The following ENAH variants were observed in gnomAD, a reference collection of about 807,000 sequenced individuals.
The protein encoded by ENAH is ENAH actin regulator.
Under a neutral mutation model 78.7 loss-of-function variants are expected in ENAH, and 23 were observed. That is an observed-to-expected ratio of 0.29 (90% confidence interval 0.21 to 0.41). ENAH has a LOEUF of 0.41. Ranked by LOEUF, ENAH falls within the 10% of genes least tolerant of loss-of-function variation. The pLI, the probability that ENAH is intolerant of heterozygous loss-of-function variation, is 1.00. For synonymous variants in ENAH, 226 were observed against 241.0 expected, an observed-to-expected ratio of 0.94 and a Z score of 0.58; for missense variants, 544 against 691.0, an observed-to-expected ratio of 0.79 and a Z score of 2.39.
chr1:225,617,574 AAGTGGAC>A (rs1656021308), intron 1 of ENAH, among the ~76,000 whole-genome samples: 1 of 139,612 alleles, frequency 7.2e-6, no homozygotes, highest in African/African-American at 2.5e-5. Flanking sequence ...GTACAGTGCT[AAGTGGAC>A]AGTGTGGTGA....
At chr1:225,500,875 A>T in intron 12 of ENAH, 117 bp downstream of exon 12, 1 of 942,336 alleles carries the variant, frequency 1.1e-6, no homozygotes. Context: ...AATTTGTATA[A>T]CAATAGCTCT....
chr1:225,611,035 C>T (rs2096985544), intron 1 of ENAH, among the ~76,000 whole-genome samples: 1 of 152,152 alleles, frequency 6.6e-6, no homozygotes, highest in African/African-American at 2.4e-5. Context: ...GCAGGCAAAA[C>T]TAATTGACGC....
At chr1:225,561,619 T>TTTAAAA (rs2096706245) in intron 2 of ENAH, among the ~76,000 whole-genome samples, 1 of 125,810 alleles carries the variant, frequency 7.9e-6, no homozygotes, top group African/African-American at 3.0e-5. Context: ...AGATTCCGTC[T>TTTAAAA]TAAAATAAAA....
At chr1:225,560,861 C>T (rs935543566) in intron 2 of ENAH, among the ~76,000 whole-genome samples, 1 of 152,188 alleles carries the variant, frequency 6.6e-6, no homozygotes, top group African/African-American at 2.4e-5. Context: ...TTGTTCATAA[C>T]AGAATGCTAG....
intron 1 of ENAH, among the ~76,000 whole-genome samples, chr1:225,641,692 G>A (rs886299351): frequency 6.6e-6 from 1 of 151,640 alleles, no homozygotes; most frequent in African/African-American, 2.4e-5. Flanking sequence ...TTCGAGACCA[G>A]CCTGGCCAAC....
At chr1:225,606,958 A>AATG (rs1474943703) in intron 1 of ENAH, among the ~76,000 whole-genome samples, 1 of 152,132 alleles carries the variant, frequency 6.6e-6, no homozygotes, top group Non-Finnish European at 1.5e-5. Flanking sequence ...GGTCCTGAAT[A>AATG]ATGCAGCTGA....
At chr1:225,543,060 T>A (rs1221372341) in intron 3 of ENAH, among the ~76,000 whole-genome samples, 1 of 151,704 alleles carries the variant, frequency 6.6e-6, no homozygotes, top group South Asian at 2.1e-4. Context: ...CTAAGATTGA[T>A]AGGAAGCCAT....
chr1:225,638,809 C>A (rs139891050), intron 1 of ENAH, among the ~76,000 whole-genome samples: 1 of 152,050 alleles, frequency 6.6e-6, no homozygotes, highest in Non-Finnish European at 1.5e-5. Context: ...GAATCTATAA[C>A]GACATATATG....
rs2151013626 is a variant in ENAH at position 225,496,001 on chromosome 1, C to T, written c.*1774G>A. 1 of 152,600 alleles carries T rather than the reference C, an allele frequency of 6.6e-6. No individual in the cohort carries two copies. 9.5% of individuals were successfully genotyped at this position (152,600 alleles called of 1,614,324 possible). On this transcript the variant is annotated 3_prime_UTR_variant, in exon 14 of 14. Coordinates refer to ENST00000366843, the MANE Select transcript of ENAH (RefSeq NM_018212.6). Reference sequence around the variant, plus strand: ...AATTTGCAGCGTTTAGAAAACTACACTATCAACAAGCTTTGCTTTATGGAC... The same window carrying T: ...AATTTGCAGCGTTTAGAAAACTACATTATCAACAAGCTTTGCTTTATGGAC...
chr1:225,535,453 G>A (rs944077171), intron 3 of ENAH: 10 of 1,152,618 alleles, frequency 8.7e-6, no homozygotes, highest in African/African-American at 1.6e-5. Flanking sequence ...ATGGAAATGC[G>A]CAAGTAGCAT....
chr1:225,558,273 T>G (rs958034619), intron 2 of ENAH, among the ~76,000 whole-genome samples: 2 of 152,180 alleles, frequency 1.3e-5, no homozygotes, highest in South Asian at 2.1e-4. Context: ...TCTTTTTGTA[T>G]TCTCTGGAAA....
intron 12 of ENAH, among the ~76,000 whole-genome samples, chr1:225,499,070 G>A (rs895018800): frequency 1.3e-5 from 2 of 152,114 alleles, no homozygotes; most frequent in South Asian, 4.1e-4. Flanking sequence ...AGATTCCAAA[G>A]ATTTAGTATG....
In ENAH at chr1:225,492,006, A is replaced by G. The variant is rs2096224494; in HGVS notation, c.*5769T>C. 6.6e-6 allele frequency: 1 copy of G among 152,174 alleles called. No individual in the cohort carries two copies. The highest frequency in any genetic ancestry group is 1.5e-5 in the Non-Finnish European group (1 of 68,028). 9.4% of individuals were successfully genotyped at this position (152,174 alleles called of 1,614,324 possible). A position where few individuals can be genotyped will look rare whatever the true frequency, so the allele number is the denominator to read the frequency against. ...TATAGAACTTTTACGGAATAAATGT[A>G]GTCTAACAAACTGGGCTCTCTAATG... is the stretch of plus-strand genomic sequence containing the variant. On this transcript the variant is annotated 3_prime_UTR_variant, in exon 14 of 14. Transcript: ENST00000366843.
At chr1:225,597,683 A>G (rs535916730) in intron 1 of ENAH, among the ~76,000 whole-genome samples, 47 of 151,742 alleles carry the variant, frequency 3.1e-4, no homozygotes, top group Non-Finnish European at 6.3e-4. Context: ...AAAAGACGCT[A>G]AAGAGATGTG....
chr1:225,512,596 T>A, intron 9 of ENAH, 61 bp downstream of exon 9: 1 of 1,496,060 alleles, frequency 6.7e-7, no homozygotes. Context: ...CACTATTTCC[T>A]GAATGAGCTG....
At chr1:225,630,900 C>G (rs1658891901) in intron 1 of ENAH, among the ~76,000 whole-genome samples, 1 of 152,122 alleles carries the variant, frequency 6.6e-6, no homozygotes, top group Non-Finnish European at 1.5e-5. Flanking sequence ...AGCAACAAAA[C>G]AAAAATACAC....
intron 1 of ENAH, among the ~76,000 whole-genome samples, chr1:225,615,484 G>A (rs1030768648): frequency 2.0e-5 from 3 of 152,142 alleles, no homozygotes; most frequent in Non-Finnish European, 4.4e-5. Context: ...GAAGTGAGGA[G>A]CGTCTCTGCC....
intron 1 of ENAH, among the ~76,000 whole-genome samples, chr1:225,569,024 G>T (rs78510932): frequency 0.043 from 6,552 of 152,260 alleles, 226 homozygotes; most frequent in South Asian, 0.11. Flanking sequence ...ACTTGAATTA[G>T]TTTTAAAAGA....
intron 1 of ENAH, among the ~76,000 whole-genome samples, chr1:225,648,426 A>C (rs1662367435): frequency 6.6e-6 from 1 of 152,230 alleles, no homozygotes; most frequent in Non-Finnish European, 1.5e-5. Context: ...TATACCAGCC[A>C]AATGGTGCCT....
Sources: gnomAD v4.1 joint callset for allele counts (sites outside exome capture counted in the v4.1 genomes callset) on GRCh38, gnomAD v4.1.1 for gene constraint, MANE v1.5 for transcripts, NCBI Gene and HGNC (gene_info 2026-07-23, HGNC 2026-07-21) for gene names.